Variants in USP4 observed in about 807,000 individuals in gnomAD.
USP4 encodes the protein ubiquitin specific peptidase 4, also known as ubiquitin carboxyl-terminal hydrolase 4.
USP4 carries 72 observed loss-of-function variants against 118.2 expected under a neutral mutation model. The ratio of observed to expected loss-of-function variants is 0.61; its 90% CI spans 0.50 to 0.74. USP4 has a LOEUF of 0.74. USP4 is among the 30% of genes least tolerant of loss of function. USP4 has a pLI of 0.00. For synonymous variants in USP4, 415 were observed against 440.4 expected, an observed-to-expected ratio of 0.94 and a Z score of 0.72; for missense variants, 1,037 against 1,185.7, an observed-to-expected ratio of 0.87 and a Z score of 1.84.
At position 49,325,825 on chromosome 3, in the gene USP4, A is replaced by G. The variant is rs1372682883; in HGVS notation, c.381T>C (p.Phe127=). 6.2e-7 allele frequency: 1 copy of G among 1,613,736 alleles called. No homozygotes were observed. Among genetic ancestry groups the G allele is most frequent in the East Asian group, 2.2e-5 (1 of 44,886 alleles). ...IVRKVVEHGL[F]VKHCKVEVYL... is the part of the protein sequence containing the mutation. The stretch of plus-strand genomic sequence containing the variant: ...ACACCTCGACTTTGCAGTGCTTGAC[A>G]AACAGGCCATGCTCCACAACCTATG... Residue 127 remains phenylalanine, a synonymous_variant, in exon 4 of 22, where the codon TTT becomes TTC. Coordinates refer to ENST00000265560, the MANE Select transcript of USP4 (RefSeq NM_003363.4).
At chr3:49,330,890 C>T (rs938350376) in intron 2 of USP4, among the ~76,000 whole-genome samples, 3 of 151,398 alleles carry the variant, frequency 2.0e-5, no homozygotes, top group Non-Finnish European at 4.4e-5. Context: ...AGGCACCAGG[C>T]GCCTGTGATC....
intron 1 of USP4, among the ~76,000 whole-genome samples, chr3:49,335,848 C>T (rs774262132): frequency 5.9e-5 from 9 of 152,114 alleles, no homozygotes; most frequent in South Asian, 2.1e-4. Flanking sequence ...TTTCAAAATG[C>T]TTATTTAAAT....
chr3:49,292,575 G>C lies in USP4; in HGVS notation c.1907C>G (p.Pro636Arg), dbSNP rs1363829393. 6 of 1,596,810 alleles carry C rather than the reference G, an allele frequency of 3.8e-6. No individual in the cohort carries two copies. The highest frequency in any genetic ancestry group is 4.3e-6 in the Non-Finnish European group (5 of 1,171,742). Residue 636 changes from proline (P) to arginine (R), a missense_variant, in exon 15 of 22, where the codon CCT becomes CGT. Physicochemically the swap from Pro to Arg is moderately radical, Grantham distance 103. This residue lies in a region of USP4 where 522 missense variants were observed against 592.6 expected (regional missense o/e 0.88). Coordinates refer to ENST00000265560, the MANE Select transcript of USP4 (RefSeq NM_003363.4). ...RISRYVKQPL[P>R]DEFGSSPLEP... is the part of the protein sequence containing the mutation. ...CAAGGGTGAGCTGCCAAACTCATCA[G>C]GTAAAGGCTGTTTCACATAGCGGCT...
At position 49,323,271 on chromosome 3, in the gene USP4, TAAAAAAAAAAA is replaced by T. The variant is rs1173500243; in HGVS notation, c.695+1420_695+1430del. 2.7e-4 allele frequency among the ~76,000 whole-genome samples: 27 copies of T among 101,220 alleles called. No homozygotes were observed. The South Asian group carries it at 3.6e-3, about 13-fold the overall frequency. 66.4% of individuals were successfully genotyped at this position (101,220 alleles called of 152,430 possible). A position where few individuals can be genotyped will look rare whatever the true frequency, so the allele number is the denominator to read the frequency against. On this transcript the variant is annotated intron_variant, in intron 6 of 21. Coordinates refer to ENST00000265560, the MANE Select transcript of USP4 (RefSeq NM_003363.4). The stretch of plus-strand genomic sequence containing the variant: ...CATGAGCCACTGCTCCTGGCCTTTT[TAAAAAAAAAAA>T]AAAAAAAAAAAAAAAAGAGATGGGG...
chr3:49,287,344 CA>C (rs1360964884), intron 15 of USP4, among the ~76,000 whole-genome samples: 6 of 151,870 alleles, frequency 4.0e-5, no homozygotes, highest in African/African-American at 1.5e-4. Flanking sequence ...TTAGTAGAGA[CA>C]AGGGTTCACC....
At chr3:49,333,042 C>T (rs2047635450) in intron 2 of USP4, among the ~76,000 whole-genome samples, 1 of 144,476 alleles carries the variant, frequency 6.9e-6, no homozygotes, top group Admixed American at 7.0e-5. Context: ...GACAAGATGG[C>T]ACCTTGTCTC....
At chr3:49,300,374 C>T in intron 11 of USP4, 93 bp downstream of exon 11, 2 of 1,192,436 alleles carry the variant, frequency 1.7e-6, no homozygotes, top group East Asian at 4.7e-5. Flanking sequence ...CAAGGGGACT[C>T]AGAGGCAGCC....
At chr3:49,317,269 T>C (rs77680481) in intron 6 of USP4, 7 of 1,536,748 alleles carry the variant, frequency 4.6e-6, no homozygotes, top group South Asian at 3.4e-5. Flanking sequence ...CAGGTTCTCG[T>C]TGACGCGGGC....
chr3:49,312,406 T>C (rs1211643432), intron 6 of USP4: 1 of 442,612 alleles, frequency 2.3e-6, no homozygotes, highest in Admixed American at 2.4e-5. Context: ...GAAGCATCAC[T>C]TGAACCCGGG....
intron 8 of USP4, among the ~76,000 whole-genome samples, chr3:49,306,210 G>GTT (rs57775959): frequency 2.7e-4 from 37 of 137,344 alleles, no homozygotes; most frequent in Admixed American, 4.4e-4. Context: ...GTTTTTTTTT[G>GTT]TTTTTTTTTT....
In USP4 at chr3:49,294,495, C is replaced by T. The variant is rs539287649; in HGVS notation, c.1795G>A (p.Ala599Thr). 126 of 1,614,212 alleles carry T rather than the reference C, an allele frequency of 7.8e-5. No homozygotes were observed. In the South Asian group the frequency reaches 1.4e-3, roughly 17 times the overall value. Residue 599 changes from alanine (A) to threonine (T), a missense_variant, in exon 14 of 22, where the codon GCG becomes ACG. Physicochemically the swap from Ala to Thr is moderately conservative, Grantham distance 58. Coordinates refer to ENST00000265560, the MANE Select transcript of USP4 (RefSeq NM_003363.4). The stretch of plus-strand genomic sequence containing the variant: ...AGCAATAGTGGCTGCCCATATAGCG[C>T]TGATGCGGAGGAAGTGCTTGATGGC... ...SRPSSTSSASALYGQPLLLSV... is the reference protein window; with the variant it reads ...SRPSSTSSASTLYGQPLLLSV...
rs2046978392 is a variant in USP4, at chr3:49,277,744, A to T, written c.*549T>A. 6.0e-6 allele frequency: 1 copy of T among 165,814 alleles called. No individual in the cohort carries two copies. The highest frequency in any genetic ancestry group is 1.3e-5 in the Non-Finnish European group (1 of 77,596). The allele number at this position is 165,814 out of a possible 1,614,324, so 10.3% of individuals were successfully genotyped here. A position where few individuals can be genotyped will look rare whatever the true frequency, so the allele number is the denominator to read the frequency against. On this transcript the variant is annotated 3_prime_UTR_variant, in exon 22 of 22. Transcript: ENST00000265560. ...CTAGATATCTTCCTTAGCGGGGAGA[A>T]AGCTGGAAATTACAAGATGACTCAA...
Position 49,278,084 on chromosome 3 carries a change from G to T in USP4, c.*209C>A. On this transcript the variant is annotated 3_prime_UTR_variant, in exon 22 of 22. Transcript: ENST00000265560. ...GTTTCACAGAAATTTCTCACCACCT[G>T]TTTAAAAATAAAAATAATTCAGCCT... is the stretch of plus-strand genomic sequence containing the variant. 1.7e-6 allele frequency: 1 copy of T among 586,766 alleles called. No homozygotes were observed. Among genetic ancestry groups the T allele is most frequent in the Non-Finnish European group, 2.7e-6 (1 of 366,156 alleles). 36.3% of individuals were successfully genotyped at this position (586,766 alleles called of 1,614,324 possible). A position where few individuals can be genotyped will look rare whatever the true frequency, so the allele number is the denominator to read the frequency against.
At chr3:49,286,528 C>T (rs960857288) in intron 15 of USP4, among the ~76,000 whole-genome samples, 1 of 152,098 alleles carries the variant, frequency 6.6e-6, no homozygotes, top group Admixed American at 6.6e-5. Context: ...CACTGCTATT[C>T]CACGATGAGG....
At chr3:49,286,046 A>G in intron 16 of USP4, 52 bp downstream of exon 16, 4 of 1,559,502 alleles carry the variant, frequency 2.6e-6, no homozygotes, top group Non-Finnish European at 3.5e-6. Flanking sequence ...GGATTTTCAA[A>G]CAGATCCTAA....
chr3:49,303,925 G>C (rs1032877243), intron 9 of USP4, among the ~76,000 whole-genome samples: 2 of 151,976 alleles, frequency 1.3e-5, no homozygotes, highest in African/African-American at 4.8e-5. Context: ...GCTAATTTTT[G>C]TATTTTTAGT....
chr3:49,311,818 G>A, intron 6 of USP4, 164 bp from the exon 7 acceptor site: 1 of 1,334,182 alleles, frequency 7.5e-7, no homozygotes, highest in South Asian at 1.6e-5. Context: ...TTATTTAAGT[G>A]AGAGTCCACA....
At chr3:49,298,047 A>T (rs2047227563) in intron 12 of USP4, 83 bp from the exon 13 acceptor site, 1 of 901,626 alleles carries the variant, frequency 1.1e-6, no homozygotes, top group Admixed American at 2.1e-5. Context: ...ACAAATGAAA[A>T]AAAAAATACT....
At position 49,300,495 on chromosome 3, in the gene USP4, G is replaced by A. The variant is rs2047253065; in HGVS notation, c.1484C>T (p.Pro495Leu). 1 of 1,614,032 alleles carries A rather than the reference G, an allele frequency of 6.2e-7. No individual in the cohort carries two copies. The highest frequency in any genetic ancestry group is 1.1e-5 in the South Asian group (1 of 91,092). Residue 495 changes from proline (P) to leucine (L), a missense_variant, in exon 11 of 22, where the codon CCT (proline) becomes CTT (leucine). Pro to Leu is a moderately conservative substitution (Grantham distance 98). This residue lies in a region of USP4 where 522 missense variants were observed against 592.6 expected (regional missense o/e 0.88). Transcript: ENST00000265560. ...AGTAGGTCTGCAGTGAGGGTCAGCAGGAACCAGGAAAACCTCCATAACTCG... is the reference window on the plus strand; with the variant it reads ...AGTAGGTCTGCAGTGAGGGTCAGCAAGAACCAGGAAAACCTCCATAACTCG... ...KDRVMEVFLV[P>L]ADPHCRPTQY...
Sources: gnomAD v4.1 joint callset for allele counts (sites outside exome capture counted in the v4.1 genomes callset) on GRCh38, gnomAD v4.1.1 for gene constraint, gnomAD v4.1.1 regional missense constraint, MANE v1.5 for transcripts, NCBI Gene and HGNC (gene_info 2026-07-23, HGNC 2026-07-21) for gene names.